Variants in FAF1 observed in about 807,000 individuals in gnomAD.
The protein encoded by FAF1 is FAS-associated factor 1.
FAF1 carries 25 observed loss-of-function variants against 92.5 expected under a neutral mutation model. That is an observed-to-expected ratio of 0.27 (90% CI 0.20 to 0.38). The LOEUF is 0.38. FAF1 is among the 10% of genes least tolerant of loss of function. FAF1 has a pLI of 1.00. For missense variants in FAF1, 636 were observed against 793.3 expected, an observed-to-expected ratio of 0.80 and a Z score of 2.38; for synonymous variants, 234 against 273.2, an observed-to-expected ratio of 0.86 and a Z score of 1.42.
intron 7 of FAF1, among the ~76,000 whole-genome samples, chr1:50,688,788 G>C (rs926520120): frequency 9.9e-5 from 15 of 151,902 alleles, no homozygotes; most frequent in Non-Finnish European, 2.1e-4. Flanking sequence ...CTACAGCCTG[G>C]GCAACAAGAG....
intron 1 of FAF1, among the ~76,000 whole-genome samples, chr1:50,938,341 T>C (rs552072752): frequency 6.6e-6 from 1 of 152,304 alleles, no homozygotes; most frequent in East Asian, 1.9e-4. Context: ...TCAGTAGGAA[T>C]GTATATGAAA....
intron 15 of FAF1, among the ~76,000 whole-genome samples, chr1:50,531,418 A>T (rs1217706642): frequency 1.3e-5 from 2 of 152,206 alleles, no homozygotes; most frequent in South Asian, 2.1e-4. Context: ...GTAGCTTAAA[A>T]AACAGTGCAT....
intron 18 of FAF1, among the ~76,000 whole-genome samples, chr1:50,463,000 T>G (rs1462988617): frequency 1.3e-5 from 2 of 152,204 alleles, no homozygotes; most frequent in Admixed American, 6.5e-5. Flanking sequence ...ACTAGAAACT[T>G]GGGTTTGAGA....
At chr1:50,940,035 C>T (rs1041117085) in intron 1 of FAF1, among the ~76,000 whole-genome samples, 4 of 152,246 alleles carry the variant, frequency 2.6e-5, no homozygotes, top group Middle Eastern at 6.8e-3. Context: ...CTCAGCCTCC[C>T]GAGTAGCTGG....
chr1:50,821,935 C>T (rs953909645), intron 2 of FAF1, among the ~76,000 whole-genome samples: 1 of 151,700 alleles, frequency 6.6e-6, no homozygotes, highest in Admixed American at 6.6e-5. Context: ...CTACGGTCAC[C>T]GAAATGCTCT....
intron 5 of FAF1, among the ~76,000 whole-genome samples, chr1:50,739,424 GTGTA>G (rs1383580656): frequency 2.0e-5 from 3 of 151,748 alleles, no homozygotes; most frequent in Non-Finnish European, 4.4e-5. Context: ...GTGAGTGTAT[GTGTA>G]TGTGTGTATA....
intron 1 of FAF1, among the ~76,000 whole-genome samples, chr1:50,902,501 A>G (rs1239057128): frequency 6.6e-6 from 1 of 152,170 alleles, no homozygotes; most frequent in African/African-American, 2.4e-5. Flanking sequence ...GCTACTTAAA[A>G]TTTTTAAATT....
chr1:50,768,104 T>C (rs186389630), intron 4 of FAF1, among the ~76,000 whole-genome samples: 1 of 151,642 alleles, frequency 6.6e-6, no homozygotes, highest in East Asian at 1.9e-4. Context: ...CAGAGAAAAA[T>C]CTACCAAGTC....
In FAF1 at chr1:50,584,806, G is replaced by C. The variant is rs1165569292; in HGVS notation, c.846C>G (p.Ile282Met). Residue 282 changes from isoleucine (I) to methionine (M), a missense_variant, in exon 10 of 19, where the codon ATC becomes ATG. Physicochemically the swap from Ile to Met is conservative, Grantham distance 10 (BLOSUM62 1). Coordinates refer to ENST00000396153, the MANE Select transcript of FAF1 (RefSeq NM_007051.3). ...TATCACTAACCATATGAACATCGGT[G>C]ATTTGCTATTTAAGGAAAGTCCTGA... ...AQTREQSEEQ[I>M]TDVHMVSDSD... 6 of 1,612,698 alleles carry C rather than the reference G, an allele frequency of 3.7e-6. No homozygotes were observed. In the Admixed American group the frequency reaches 8.3e-5, roughly 22 times the overall value.
At chr1:50,782,893 C>T (rs1211892118) in intron 4 of FAF1, among the ~76,000 whole-genome samples, 2 of 152,124 alleles carry the variant, frequency 1.3e-5, no homozygotes, top group East Asian at 3.9e-4. Context: ...CTGCACACTC[C>T]ATTCATAGTA....
At chr1:50,827,953 TATG>T (rs756288040) in intron 2 of FAF1, among the ~76,000 whole-genome samples, 4 of 152,188 alleles carry the variant, frequency 2.6e-5, no homozygotes, top group Non-Finnish European at 4.4e-5. Flanking sequence ...TCAAATCTGA[TATG>T]ATCTCAATTA....
chr1:50,633,899 G>C (rs1653898819), intron 8 of FAF1, among the ~76,000 whole-genome samples: 2 of 152,084 alleles, frequency 1.3e-5, no homozygotes. Context: ...TTTGTACTTT[G>C]AAAGTAATAA....
intron 8 of FAF1, among the ~76,000 whole-genome samples, chr1:50,627,933 A>C (rs1223248932): frequency 6.6e-6 from 1 of 152,212 alleles, no homozygotes; most frequent in Non-Finnish European, 1.5e-5. Flanking sequence ...AAGAAAAGCT[A>C]TTCTGGTGGA....
At chr1:50,691,890 T>C (rs1336127724) in intron 7 of FAF1, among the ~76,000 whole-genome samples, 2 of 152,226 alleles carry the variant, frequency 1.3e-5, no homozygotes, top group East Asian at 1.9e-4. Flanking sequence ...TGTTTTGATA[T>C]ATGTATACAC....
At chr1:50,775,948 T>C (rs17384731) in intron 4 of FAF1, among the ~76,000 whole-genome samples, 43,562 of 151,988 alleles carry the variant, frequency 0.29, 6,570 homozygotes, top group Middle Eastern at 0.47. Context: ...CTGCCTGCCA[T>C]AATACTCATA....
chr1:50,708,428 G>C (rs1038420522), intron 6 of FAF1, among the ~76,000 whole-genome samples: 5 of 152,130 alleles, frequency 3.3e-5, no homozygotes, highest in Admixed American at 3.3e-4. Flanking sequence ...AAAAAGTGGA[G>C]TAGTGGCAGG....
intron 8 of FAF1, among the ~76,000 whole-genome samples, chr1:50,652,990 T>A (rs1224887852): frequency 6.6e-6 from 1 of 152,198 alleles, no homozygotes; most frequent in Non-Finnish European, 1.5e-5. Context: ...GTCTTAATTA[T>A]CTTCTTCTAT....
At chr1:50,574,897 T>TGTTTTTTTTTTG (rs1558000831) in intron 12 of FAF1, among the ~76,000 whole-genome samples, 1 of 127,014 alleles carries the variant, frequency 7.9e-6, no homozygotes, top group South Asian at 2.5e-4. Context: ...TTGTATTAAC[T>TGTTTTTTTTTTG]CTTTTTTTTT....
intron 1 of FAF1, among the ~76,000 whole-genome samples, chr1:50,919,601 C>A (rs1162373181): frequency 6.6e-6 from 1 of 151,844 alleles, no homozygotes; most frequent in African/African-American, 2.4e-5. Context: ...GATTCTCCTG[C>A]CTCAGCCTCC....
Sources: gnomAD v4.1 joint callset for allele counts (sites outside exome capture counted in the v4.1 genomes callset) on GRCh38, gnomAD v4.1.1 for gene constraint, MANE v1.5 for transcripts, NCBI Gene and HGNC (gene_info 2026-07-23, HGNC 2026-07-21) for gene names.